Variants in IL6ST observed in about 807,000 individuals in gnomAD.
The protein encoded by IL6ST is interleukin-6 receptor subunit beta.
In IL6ST, 24 loss-of-function variants were observed where a neutral mutation model predicts 91.3. The ratio of observed to expected loss-of-function variants is 0.26; its 90% confidence interval spans 0.19 to 0.37. The LOEUF (loss-of-function observed/expected upper bound fraction) is 0.37. Ranked by LOEUF, IL6ST falls within the 10% of genes least tolerant of loss-of-function variation. The probability of loss-of-function intolerance (pLI) is 1.00; values close to 1 mark genes in which losing one functional copy is unlikely to be tolerated. For missense variants in IL6ST, 914 were observed against 1,078.5 expected (o/e 0.85, Z 2.14); for synonymous variants, 351 against 373.6 (o/e 0.94, Z 0.70).
At chr5:55,960,287 A>T in intron 8 of IL6ST, 115 bp downstream of exon 8, 1 of 760,402 alleles carries the variant, frequency 1.3e-6, no homozygotes, top group Non-Finnish European at 2.1e-6. Flanking sequence ...AAAATACTGC[A>T]GTTTGAATAA....
rs1561138958 is a variant in IL6ST at position 55,935,167 on chromosome 5, A to G, written c.*5915T>C. On this transcript the variant is annotated 3_prime_UTR_variant, in exon 17 of 17. Coordinates refer to ENST00000381298, the MANE Select transcript of IL6ST (RefSeq NM_002184.4). ...ATATAGCTCACCATGTTATCCCAGAAAGACTACAATTTCATACAGAATGCA... is the reference window on the plus strand; with the variant it reads ...ATATAGCTCACCATGTTATCCCAGAGAGACTACAATTTCATACAGAATGCA... 1 of 179,250 alleles carries G rather than the reference A, an allele frequency of 5.6e-6. No homozygotes were observed. Among genetic ancestry groups the G allele is most frequent in the Non-Finnish European group, 1.2e-5 (1 of 83,556 alleles). 11.1% of individuals were successfully genotyped at this position (179,250 alleles called of 1,614,324 possible).
chr5:55,953,669 A>AG, intron 11 of IL6ST, among the ~76,000 whole-genome samples: 1 of 152,318 alleles, frequency 6.6e-6, no homozygotes, highest in African/African-American at 2.4e-5. Context: ...TACAGGCGTG[A>AG]GCCACCGCAT....
At position 55,941,374 on chromosome 5, in the gene IL6ST, T is replaced by C. The variant is rs770658344; in HGVS notation, c.2465A>G (p.His822Arg). The C allele has an allele frequency of 6.3e-5, 102 of 1,614,012 alleles. 1 individual carries two copies. The South Asian group carries it at 9.7e-4, about 15-fold the overall frequency. Reference sequence around the variant, plus strand: ...ATGTGAAATATCTGGACTGGATTCATGCTGACTGCAGTTCTGTTTGAAGTA... The same window carrying C: ...ATGTGAAATATCTGGACTGGATTCACGCTGACTGCAGTTCTGTTTGAAGTA... ...QQYFKQNCSQ[H>R]ESSPDISHFE... The change falls in exon 17 of 17, where the codon CAT (histidine) becomes CGT (arginine). Residue 822 changes from histidine (H) to arginine (R), a missense_variant. By Grantham distance (29) the His-to-Arg change is conservative. Transcript: ENST00000381298.
intron 8 of IL6ST, among the ~76,000 whole-genome samples, chr5:55,959,858 T>A (rs922798180): frequency 1.3e-5 from 2 of 152,150 alleles, no homozygotes; most frequent in African/African-American, 4.8e-5. Context: ...GGTTTTCTGA[T>A]AGATGTATCT....
intron 1 of IL6ST, among the ~76,000 whole-genome samples, chr5:55,992,293 T>A (rs897615992): frequency 6.6e-6 from 1 of 152,162 alleles, no homozygotes; most frequent in African/African-American, 2.4e-5. Flanking sequence ...TCTGGTATGA[T>A]CTTATTTTCT....
Position 55,969,679 on chromosome 5 carries a change from T to C in IL6ST, c.241A>G (p.Ile81Val), listed in dbSNP as rs1752847434. 1.9e-6 allele frequency: 3 copies of C among 1,612,430 alleles called. No homozygotes were observed. The highest frequency in any genetic ancestry group is 1.3e-5 in the African/African-American group (1 of 74,896). The change falls in exon 4 of 17, where the codon ATC becomes GTC. Residue 81 changes from isoleucine (I) to valine (V), a missense_variant. Ile to Val is a conservative substitution (Grantham distance 29, BLOSUM62 3). Transcript: ENST00000381298. ...ACACTGGATGCTGTTCTGTTTATGA[T>C]AGTATATTGCTCCTTAGGAATAGTA... ...HFTIPKEQYT[I>V]INRTASSVTF...
chr5:55,945,724 C>T (rs1054851543), intron 15 of IL6ST, among the ~76,000 whole-genome samples: 4 of 122,450 alleles, frequency 3.3e-5, no homozygotes, highest in Non-Finnish European at 6.4e-5. Context: ...GATCTTGGCT[C>T]ACTGCAACCC....
intron 11 of IL6ST, among the ~76,000 whole-genome samples, chr5:55,953,075 C>A (rs934903721): frequency 3.9e-5 from 6 of 151,922 alleles, no homozygotes; most frequent in Non-Finnish European, 5.9e-5. Context: ...AAACAAAAAC[C>A]AAAACAAACT....
Position 55,938,740 on chromosome 5 carries a change from T to C in IL6ST, c.*2342A>G, listed in dbSNP as rs1038134359. 5.0e-6 allele frequency: 1 copy of C among 200,964 alleles called. No homozygotes were observed. The highest frequency in any genetic ancestry group is 6.0e-5 in the Admixed American group (1 of 16,652). The allele number at this position is 200,964 out of a possible 1,614,324, so 12.4% of individuals were successfully genotyped here. On this transcript the variant is annotated 3_prime_UTR_variant, in exon 17 of 17. Coordinates refer to ENST00000381298, the MANE Select transcript of IL6ST (RefSeq NM_002184.4). ...TTCTAAGACATGCTTGGGAAAGTAA[T>C]TTTGAATGTAAAAAGTTTTATAATT...
At position 55,940,214 on chromosome 5, in the gene IL6ST, T is replaced by A. The variant is rs1237236585; in HGVS notation, c.*868A>T. 1 of 210,564 alleles carries A rather than the reference T, an allele frequency of 4.7e-6. No homozygotes were observed. Among genetic ancestry groups the A allele is most frequent in the African/African-American group, 2.3e-5 (1 of 44,076 alleles). The allele number at this position is 210,564 out of a possible 1,614,324, so 13.0% of individuals were successfully genotyped here. On this transcript the variant is annotated 3_prime_UTR_variant, in exon 17 of 17. Transcript: ENST00000381298. Reference sequence around the variant, plus strand: ...TTTTTTAGATGCTTTATTGGTTTTTTTTCCCCTTTACTACTACTTCCTGTT... The same window carrying A: ...TTTTTTAGATGCTTTATTGGTTTTTATTCCCCTTTACTACTACTTCCTGTT...
intron 4 of IL6ST, among the ~76,000 whole-genome samples, chr5:55,968,839 C>A (rs1208886325): frequency 2.0e-5 from 3 of 152,154 alleles, no homozygotes; most frequent in African/African-American, 7.2e-5. Flanking sequence ...ACAGTAAAGT[C>A]TGGGTGATCC....
Position 55,968,307 on chromosome 5 carries a change from A to T in IL6ST, c.460T>A (p.Leu154Met). Residue 154 changes from leucine to methionine, a missense_variant, in exon 5 of 17, where the codon TTG (leucine) becomes ATG (methionine). Physicochemically the swap from Leu to Met is conservative, Grantham distance 15. Transcript: ENST00000381298. ...CEWDGGRETH[L>M]ETNFTLKSEW... ...GATTTTAAAGTGAAGTTTGTCTCCA[A>T]GTGTGTTTCCCTTCCACCATCCCAC... is the stretch of plus-strand genomic sequence containing the variant. The T allele has an allele frequency of 6.3e-7, 1 of 1,598,578 alleles. No homozygotes were observed. The highest frequency in any genetic ancestry group is 8.5e-7 in the Non-Finnish European group (1 of 1,175,104).
Position 55,940,609 on chromosome 5 carries a change from C to CTCTT in IL6ST, c.*469_*472dup, listed in dbSNP as rs1044632232. On this transcript the variant is annotated 3_prime_UTR_variant, in exon 17 of 17. Transcript: ENST00000381298. ...GCTCATGTAGTTATGGCCTATGGAC[C>CTCTT]TCTTTTTAAGTTATTTTAGCAGAAG... is the stretch of plus-strand genomic sequence containing the variant. The CTCTT allele has an allele frequency of 4.6e-6, 1 of 216,116 alleles. No individual in the cohort carries two copies. The allele number at this position is 216,116 out of a possible 1,614,324, so 13.4% of individuals were successfully genotyped here.
Position 55,939,674 on chromosome 5 carries a change from C to T in IL6ST, c.*1408G>A. The stretch of plus-strand genomic sequence containing the variant: ...ATTTCCTCTTACTTTCTAAGAAAAC[C>T]CCTATATTTAGCATCTGCTTCCATA... On this transcript the variant is annotated 3_prime_UTR_variant, in exon 17 of 17. Coordinates refer to ENST00000381298, the MANE Select transcript of IL6ST (RefSeq NM_002184.4). 4.8e-6 allele frequency: 1 copy of T among 206,462 alleles called. No individual in the cohort carries two copies. Among genetic ancestry groups the T allele is most frequent in the Middle Eastern group, 1.6e-3 (1 of 626 alleles). The allele number at this position is 206,462 out of a possible 1,614,324, so 12.8% of individuals were successfully genotyped here.
chr5:55,965,023 A>G (rs1752555141), intron 5 of IL6ST, among the ~76,000 whole-genome samples: 1 of 152,172 alleles, frequency 6.6e-6, no homozygotes. Flanking sequence ...CTATTAATAG[A>G]TTTGACTTTT....
chr5:55,952,162 A>T, intron 12 of IL6ST, 87 bp from the exon 13 acceptor site: 1 of 1,482,994 alleles, frequency 6.7e-7, no homozygotes, highest in Non-Finnish European at 9.3e-7. Context: ...GAACATAATG[A>T]GATACATCTT....
intron 10 of IL6ST, 23 bp from the exon 11 acceptor site, chr5:55,955,015 T>C: frequency 6.9e-7 from 1 of 1,450,346 alleles, no homozygotes; most frequent in Non-Finnish European, 9.5e-7. Context: ...GTTTGAATAT[T>C]GAAATAATAA....
rs1000627238 is a variant in IL6ST at position 55,938,970 on chromosome 5, C to G, written c.*2112G>C. 1 of 204,156 alleles carries G rather than the reference C, an allele frequency of 4.9e-6. No individual in the cohort carries two copies. Among genetic ancestry groups the G allele is most frequent in the Admixed American group, 6.0e-5 (1 of 16,756 alleles). The allele number at this position is 204,156 out of a possible 1,614,324, so 12.6% of individuals were successfully genotyped here. On this transcript the variant is annotated 3_prime_UTR_variant, in exon 17 of 17. Coordinates refer to ENST00000381298, the MANE Select transcript of IL6ST (RefSeq NM_002184.4). ...TTATATCATGGCCTTCAATGATCCT[C>G]CATTCTCATTCCTGTAGATTAAGAG... is the stretch of plus-strand genomic sequence containing the variant.
Position 55,969,710 on chromosome 5 carries a change from G to A in IL6ST, c.210C>T (p.Asn70=). ...VNANYIVWKT[N]HFTIPKEQYT... ...ATTGCTCCTTAGGAATAGTAAAATG[G>A]TTTGTTTTCCAGACAATGTAATTAG... Residue 70 remains asparagine, a synonymous_variant, in exon 4 of 17, where the codon AAC becomes AAT. Transcript: ENST00000381298. 1.2e-6 allele frequency: 2 copies of A among 1,612,814 alleles called. No individual in the cohort carries two copies. Among genetic ancestry groups the A allele is most frequent in the Non-Finnish European group, 1.7e-6 (2 of 1,178,966 alleles).
Sources: gnomAD v4.1 joint callset for allele counts (sites outside exome capture counted in the v4.1 genomes callset) on GRCh38, gnomAD v4.1.1 for gene constraint, MANE v1.5 for transcripts, NCBI Gene and HGNC (gene_info 2026-07-23, HGNC 2026-07-21) for gene names.